Variants in STX8 observed in about 807,000 individuals in gnomAD.
The protein encoded by STX8 is syntaxin 8.
Under a neutral mutation model 37.5 loss-of-function variants are expected in STX8, and 23 were observed. The ratio of observed to expected loss-of-function variants is 0.61; its 90% CI spans 0.44 to 0.87. STX8 has a LOEUF of 0.87. Among genes scored for constraint, STX8 ranks in the 40% least tolerant of loss-of-function variants. STX8 has a pLI of 0.00. For missense variants in STX8, 313 were observed against 284.7 expected, an observed-to-expected ratio of 1.10 and a Z score of -0.71; for synonymous variants, 115 against 99.1, an observed-to-expected ratio of 1.16 and a Z score of -0.95.
chr17:9,303,836 G>A lies in STX8; in HGVS notation c.644-53191C>T, dbSNP rs185115133. 1.4e-3 allele frequency among the ~76,000 whole-genome samples: 206 copies of A among 151,860 alleles called. 1 individual carries two copies. The highest frequency in any genetic ancestry group is 4.4e-3 in the African/African-American group (184 of 41,414). On this transcript the variant is annotated intron_variant, in intron 7 of 7. Transcript: ENST00000306357. Reference sequence around the variant, plus strand: ...AATGCAGCAAACAAAACCATTAAAGGTCTAGAAAAAAAATCCATGAAATAA... The same window carrying A: ...AATGCAGCAAACAAAACCATTAAAGATCTAGAAAAAAAATCCATGAAATAA...
At chr17:9,490,171 A>T (rs922443610) in intron 6 of STX8, among the ~76,000 whole-genome samples, 1 of 152,182 alleles carries the variant, frequency 6.6e-6, no homozygotes, top group African/African-American at 2.4e-5. Flanking sequence ...TGGATTTAGT[A>T]ATCTATTTAT....
At chr17:9,567,459 G>T (rs1397715131) in intron 2 of STX8, among the ~76,000 whole-genome samples, 2 of 152,148 alleles carry the variant, frequency 1.3e-5, no homozygotes, top group Non-Finnish European at 2.9e-5. Context: ...TAGACCAAAT[G>T]AGTAAAAACA....
Position 9,549,119 on chromosome 17 carries a change from T to C in STX8, c.213-3837A>G, listed in dbSNP as rs186610391. Among the ~76,000 whole-genome samples, 3 of 152,212 alleles carry C rather than the reference T, an allele frequency of 2.0e-5. No individual in the cohort carries two copies. In the East Asian group the frequency reaches 5.8e-4, roughly 29 times the overall value. On this transcript the variant is annotated intron_variant, in intron 3 of 7. Coordinates refer to ENST00000306357, the MANE Select transcript of STX8 (RefSeq NM_004853.3). ...TAGCTACCAACCATTAACACTTAAC[T>C]ATAAAGAATGAGATGAGACAGGATA...
intron 7 of STX8, among the ~76,000 whole-genome samples, chr17:9,358,706 A>G (rs12952693): frequency 0.11 from 16,803 of 152,252 alleles, 971 homozygotes; most frequent in Middle Eastern, 0.18. Flanking sequence ...GAAGGGTGGG[A>G]TGCAGCTTGG....
At chr17:9,331,873 G>A (rs1218537396) in intron 7 of STX8, among the ~76,000 whole-genome samples, 1 of 151,910 alleles carries the variant, frequency 6.6e-6, no homozygotes, top group Non-Finnish European at 1.5e-5. Context: ...CAAACAAAGT[G>A]TATGGAAAGG....
chr17:9,341,000 T>TTA (rs940554181), intron 7 of STX8, among the ~76,000 whole-genome samples: 12 of 145,562 alleles, frequency 8.2e-5, no homozygotes, highest in East Asian at 2.0e-4. Flanking sequence ...AAATTATAAA[T>TTA]TATATATATA....
At chr17:9,401,296 T>C (rs1912610012) in intron 6 of STX8, among the ~76,000 whole-genome samples, 1 of 152,186 alleles carries the variant, frequency 6.6e-6, no homozygotes. Flanking sequence ...TAAACTTATG[T>C]TATTTCTAAG....
intron 6 of STX8, among the ~76,000 whole-genome samples, chr17:9,460,157 A>G (rs1384526095): frequency 1.3e-5 from 2 of 152,154 alleles, no homozygotes; most frequent in Non-Finnish European, 2.9e-5. Context: ...GGGAATGATA[A>G]AGGAGATGAA....
At chr17:9,547,747 A>G (rs1323232854) in intron 3 of STX8, among the ~76,000 whole-genome samples, 2 of 151,220 alleles carry the variant, frequency 1.3e-5, no homozygotes, top group Non-Finnish European at 2.9e-5. Flanking sequence ...AAGGAACCAG[A>G]CACTCTCATA....
chr17:9,549,134 G>C (rs1346197781), intron 3 of STX8, among the ~76,000 whole-genome samples: 1 of 152,114 alleles, frequency 6.6e-6, no homozygotes, highest in Non-Finnish European at 1.5e-5. Context: ...AGAATGAGAT[G>C]AGACAGGATA....
chr17:9,446,997 C>T (rs994436865), intron 6 of STX8, among the ~76,000 whole-genome samples: 8 of 152,168 alleles, frequency 5.3e-5, no homozygotes, highest in Non-Finnish European at 2.9e-5. Context: ...TTATAAATCT[C>T]AAACATTTCA....
At position 9,396,642 on chromosome 17, in the gene STX8, G is replaced by A. The variant is rs142057381; in HGVS notation, c.542-17989C>T. On this transcript the variant is annotated intron_variant, in intron 6 of 7. Transcript: ENST00000306357. ...GGAGATTCGCTTGAACCCAGGAGGC[G>A]GAGGTTGCAGTGAGTCGAGATCGAG... Among the ~76,000 whole-genome samples, 195 of 151,766 alleles carry A rather than the reference G, an allele frequency of 1.3e-3. 1 individual carries two copies. Among genetic ancestry groups the A allele is most frequent in the African/African-American group, 4.4e-3 (183 of 41,352 alleles).
chr17:9,531,443 A>T (rs1005323555), intron 4 of STX8, among the ~76,000 whole-genome samples: 14 of 152,298 alleles, frequency 9.2e-5, no homozygotes, highest in African/African-American at 3.4e-4. Context: ...AAGAGATCTG[A>T]GCATGGTAAG....
At chr17:9,568,237 T>C (rs930410485) in intron 2 of STX8, 134 bp downstream of exon 2, 3 of 624,192 alleles carry the variant, frequency 4.8e-6, no homozygotes, top group African/African-American at 1.9e-5. Flanking sequence ...TTGGGTGTTA[T>C]GTCAATTCAA....
At chr17:9,429,811 TTTATATA>T (rs1467252304) in intron 6 of STX8, among the ~76,000 whole-genome samples, 1 of 10,504 alleles carries the variant, frequency 9.5e-5, no homozygotes, top group African/African-American at 3.1e-4. Flanking sequence ...ACATATATAT[TTTATATA>T]TTATATATTA....
chr17:9,570,314 C>T (rs912009404), intron 1 of STX8, among the ~76,000 whole-genome samples: 9 of 151,974 alleles, frequency 5.9e-5, no homozygotes, highest in African/African-American at 2.2e-4. Flanking sequence ...AGGTCCTATA[C>T]TAAGAGCTTT....
chr17:9,514,470 T>C (rs753119307), intron 4 of STX8, among the ~76,000 whole-genome samples: 3 of 152,022 alleles, frequency 2.0e-5, no homozygotes, highest in Non-Finnish European at 4.4e-5. Context: ...CTAGGCATGG[T>C]GGCGGGCGCC....
At chr17:9,571,928 A>T (rs1273792314) in intron 1 of STX8, among the ~76,000 whole-genome samples, 1 of 152,120 alleles carries the variant, frequency 6.6e-6, no homozygotes, top group Admixed American at 6.6e-5. Flanking sequence ...ATTAAAAAAA[A>T]AAAAGGTGTG....
rs566612469 is a variant in STX8, at chr17:9,387,153, C to T, written c.542-8500G>A. On this transcript the variant is annotated intron_variant, in intron 6 of 7. Coordinates refer to ENST00000306357, the MANE Select transcript of STX8 (RefSeq NM_004853.3). ...AGCAAACGCTCAAAGGAAGTGATTT[C>T]GAGATCTTGTGACATCCTGATGCTC... Among the ~76,000 whole-genome samples, 16 of 152,288 alleles carry T rather than the reference C, an allele frequency of 1.1e-4. No homozygotes were observed. In the East Asian group the frequency reaches 2.9e-3, roughly 28 times the overall value.
Sources: gnomAD v4.1 joint callset for allele counts (sites outside exome capture counted in the v4.1 genomes callset) on GRCh38, gnomAD v4.1.1 for gene constraint, MANE v1.5 for transcripts, NCBI Gene and HGNC (gene_info 2026-07-23, HGNC 2026-07-21) for gene names.